RAP1A: variants seen among roughly 807,000 people sequenced by gnomAD.
RAP1A encodes RAP1A, member of RAS oncogene family, also known as ras-related protein Rap-1A.
Under a neutral mutation model 26.4 loss-of-function variants are expected in RAP1A, and 6 were observed. That is an observed-to-expected ratio of 0.23 (90% CI 0.12 to 0.45). The LOEUF is 0.45. Among genes scored for constraint, RAP1A ranks in the 20% least tolerant of loss-of-function variants. The pLI, the probability that RAP1A is intolerant of heterozygous loss-of-function variation, is 0.99. For missense variants in RAP1A, 121 were observed against 217.2 expected, an observed-to-expected ratio of 0.56 and a Z score of 2.78; for synonymous variants, 73 against 79.4, an observed-to-expected ratio of 0.92 and a Z score of 0.43.
At chr1:111,544,499 T>C (rs539525393) in intron 1 of RAP1A, among the ~76,000 whole-genome samples, 76 of 152,354 alleles carry the variant, frequency 5.0e-4, no homozygotes, top group South Asian at 8.3e-4. Flanking sequence ...GCATAATGTT[T>C]TGAAGGTTCA....
chr1:111,694,327 A>G (rs577530915), intron 2 of RAP1A, among the ~76,000 whole-genome samples: 1 of 152,326 alleles, frequency 6.6e-6, no homozygotes, highest in South Asian at 2.1e-4. Flanking sequence ...TAGGAGAAAG[A>G]AGTTTGTTTA....
At chr1:111,695,469 G>T in intron 3 of RAP1A, 60 bp downstream of exon 3, 3 of 1,235,168 alleles carry the variant, frequency 2.4e-6, no homozygotes, top group South Asian at 1.5e-5. Context: ...GTTAAAATTT[G>T]ATCTGTAGAT....
At chr1:111,607,875 C>A (rs1365054055) in intron 1 of RAP1A, among the ~76,000 whole-genome samples, 1 of 119,470 alleles carries the variant, frequency 8.4e-6, no homozygotes, top group African/African-American at 3.5e-5. Flanking sequence ...CCTGACCCCC[C>A]CCACCTCCCT....
At chr1:111,599,332 A>T (rs992742953) in intron 1 of RAP1A, among the ~76,000 whole-genome samples, 1 of 152,006 alleles carries the variant, frequency 6.6e-6, no homozygotes, top group African/African-American at 2.4e-5. Flanking sequence ...CAGCCTCCTG[A>T]GTAGCTGGGA....
At chr1:111,683,012 A>T (rs967612751) in intron 1 of RAP1A, among the ~76,000 whole-genome samples, 7 of 152,196 alleles carry the variant, frequency 4.6e-5, no homozygotes, top group Non-Finnish European at 7.3e-5. Context: ...GGATTAAGAA[A>T]CTCACTCAAA....
intron 1 of RAP1A, chr1:111,648,955 C>A: frequency 1.5e-6 from 1 of 674,586 alleles, no homozygotes. Flanking sequence ...AAGAACAGCT[C>A]TTCGTTGAGA....
At chr1:111,611,872 G>A (rs1658931922) in intron 1 of RAP1A, among the ~76,000 whole-genome samples, 3 of 152,054 alleles carry the variant, frequency 2.0e-5, no homozygotes, top group Admixed American at 6.5e-5. Context: ...CACATTTTTT[G>A]TTTATCTAAA....
At chr1:111,625,694 C>G (rs146164144) in intron 1 of RAP1A, among the ~76,000 whole-genome samples, 2 of 152,274 alleles carry the variant, frequency 1.3e-5, no homozygotes, top group African/African-American at 4.8e-5. Flanking sequence ...TCTATTGATA[C>G]CTTTGGAACT....
intron 6 of RAP1A, among the ~76,000 whole-genome samples, chr1:111,705,561 C>T (rs188482774): frequency 1.2e-3 from 188 of 152,106 alleles, no homozygotes; most frequent in African/African-American, 4.2e-3. Flanking sequence ...TTATGTGAAA[C>T]CATTTTTAAC....
At chr1:111,648,286 CTTAA>C in intron 1 of RAP1A, 1 of 987,882 alleles carries the variant, frequency 1.0e-6, no homozygotes, top group Non-Finnish European at 1.5e-6. Flanking sequence ...CTTCTGCTGG[CTTAA>C]TTCTCAGAAC....
chr1:111,659,984 A>G (rs573809689), intron 1 of RAP1A, among the ~76,000 whole-genome samples: 1 of 152,332 alleles, frequency 6.6e-6, no homozygotes, highest in East Asian at 1.9e-4. Flanking sequence ...GTTATTTTGA[A>G]CAAACTGTAT....
At chr1:111,565,203 A>G (rs1338487066) in intron 1 of RAP1A, among the ~76,000 whole-genome samples, 1 of 152,174 alleles carries the variant, frequency 6.6e-6, no homozygotes, top group Non-Finnish European at 1.5e-5. Flanking sequence ...CTGGAGCAGA[A>G]TGAACAAAGG....
chr1:111,681,247 CAG>C (rs1280763479), intron 1 of RAP1A, among the ~76,000 whole-genome samples: 2 of 152,140 alleles, frequency 1.3e-5, no homozygotes, highest in South Asian at 2.1e-4. Context: ...AACTCCGTCT[CAG>C]GGGAAAAAAT....
At chr1:111,647,752 A>C (rs1660116871) in intron 1 of RAP1A, among the ~76,000 whole-genome samples, 1 of 151,572 alleles carries the variant, frequency 6.6e-6, no homozygotes, top group African/African-American at 2.4e-5. Flanking sequence ...GATGAGGTCC[A>C]AGCTGGTCTC....
chr1:111,685,414 T>TA (rs567625833), intron 1 of RAP1A, among the ~76,000 whole-genome samples: 306 of 82,110 alleles, frequency 3.7e-3, no homozygotes, highest in African/African-American at 0.013. Context: ...ACAAGGAACT[T>TA]AAACAAATTT....
At chr1:111,650,637 A>G (rs1347265714) in intron 1 of RAP1A, 1 of 152,198 alleles carries the variant, frequency 6.6e-6, no homozygotes, top group Non-Finnish European at 1.5e-5. Flanking sequence ...TTCATTATCA[A>G]CAAATCCCCT....
chr1:111,657,906 T>G (rs1038805865), intron 1 of RAP1A, among the ~76,000 whole-genome samples: 32 of 152,340 alleles, frequency 2.1e-4, no homozygotes, highest in African/African-American at 7.0e-4. Flanking sequence ...GTTGTTTAGT[T>G]TCTAAATATT....
At chr1:111,647,462 A>T (rs1660106777) in intron 1 of RAP1A, among the ~76,000 whole-genome samples, 1 of 152,040 alleles carries the variant, frequency 6.6e-6, no homozygotes, top group South Asian at 2.1e-4. Flanking sequence ...TCCCACGCCC[A>T]CTCCAGTCTG....
At chr1:111,672,434 G>A (rs1429502852) in intron 1 of RAP1A, among the ~76,000 whole-genome samples, 4 of 152,220 alleles carry the variant, frequency 2.6e-5, no homozygotes, top group Non-Finnish European at 5.9e-5. Flanking sequence ...GAGTAGCTCA[G>A]CTGGGTGAAT....
Sources: allele counts gnomAD v4.1 joint callset (sites outside exome capture counted in the v4.1 genomes callset), GRCh38; gene constraint gnomAD v4.1.1; transcripts MANE v1.5; gene names NCBI Gene and HGNC (gene_info 2026-07-23, HGNC 2026-07-21).